SH3PXD2A: variants seen among roughly 807,000 people sequenced by gnomAD.
SH3PXD2A encodes SH3 and PX domain-containing protein 2A.
In SH3PXD2A, 32 loss-of-function variants were observed where a neutral mutation model predicts 115.2. That is an observed-to-expected ratio of 0.28 (90% CI 0.21 to 0.37). The LOEUF (loss-of-function observed/expected upper bound fraction) is 0.37, where lower values mean the gene tolerates loss of function less well. Ranked by LOEUF, SH3PXD2A falls within the 10% of genes least tolerant of loss-of-function variation. SH3PXD2A has a pLI of 1.00. For synonymous variants in SH3PXD2A, 610 were observed against 629.1 expected, an observed-to-expected ratio of 0.97 and a Z score of 0.45; for missense variants, 1,328 against 1,498.7, an observed-to-expected ratio of 0.89 and a Z score of 1.88.
At chr10:103,749,015 C>T (rs1324762480) in intron 3 of SH3PXD2A, among the ~76,000 whole-genome samples, 1 of 151,902 alleles carries the variant, frequency 6.6e-6, no homozygotes. Flanking sequence ...TGTTACCTCC[C>T]AAGTAGCTGA....
rs78339712 is a variant in SH3PXD2A, at chr10:103,627,771, C to T, written c.605-569G>A. On this transcript the variant is annotated intron_variant, in intron 8 of 14. Coordinates refer to ENST00000369774, the MANE Select transcript of SH3PXD2A (RefSeq NM_001394015.1). The surrounding 1 kb of genome is among the most constrained non-coding windows in gnomAD (Gnocchi z 4.4). The stretch of plus-strand genomic sequence containing the variant: ...CACTGCATCCTCAGCTGATGCTTGA[C>T]GATCATGGCCACGTGATAAAGCCTC... Among the ~76,000 whole-genome samples, 413 of 152,326 alleles carry T rather than the reference C, an allele frequency of 2.7e-3. 3 individuals carry two copies. The highest frequency in any genetic ancestry group is 0.025 in the East Asian group (131 of 5,188).
chr10:103,650,436 T>C (rs2037102456), intron 8 of SH3PXD2A, among the ~76,000 whole-genome samples: 2 of 152,224 alleles, frequency 1.3e-5, no homozygotes, highest in Non-Finnish European at 2.9e-5. Flanking sequence ...TCTTTGTCTA[T>C]ATTTAAGGCC....
intron 2 of SH3PXD2A, among the ~76,000 whole-genome samples, chr10:103,785,092 G>A (rs187632932): frequency 1.3e-5 from 2 of 152,252 alleles, no homozygotes; most frequent in African/African-American, 2.4e-5. Flanking sequence ...CAGAGAAAAC[G>A]GCTGTTCACT....
intron 8 of SH3PXD2A, among the ~76,000 whole-genome samples, chr10:103,642,628 T>C (rs1211981875): frequency 6.6e-6 from 1 of 152,048 alleles, no homozygotes; most frequent in Non-Finnish European, 1.5e-5. Flanking sequence ...TGAAACAGCA[T>C]GTATTTACTA....
chr10:103,668,615 G>A lies in SH3PXD2A; in HGVS notation c.465C>T (p.Asp155=), dbSNP rs1272972499. The part of the protein sequence containing the change: ...LSSWAESPKK[D]VTGADATAEP... ...ATGCACGCTGGGCAGTACCTGTCAC[G>A]TCCTTCTTGGGCGACTCAGCCCAGC... The change falls in exon 7 of 15, where the codon GAC becomes GAT. Residue 155 remains aspartate, a synonymous_variant. Transcript: ENST00000369774. 2.6e-6 allele frequency: 4 copies of A among 1,556,254 alleles called. No homozygotes were observed. Among genetic ancestry groups the A allele is most frequent in the Non-Finnish European group, 3.5e-6 (4 of 1,149,722 alleles).
At chr10:103,691,878 T>C (rs1424077706) in intron 6 of SH3PXD2A, among the ~76,000 whole-genome samples, 4 of 151,960 alleles carry the variant, frequency 2.6e-5, no homozygotes, top group Admixed American at 2.6e-4. Flanking sequence ...AGGACACAAC[T>C]TTCCCTGTCC....
chr10:103,627,454 G>A lies in SH3PXD2A; in HGVS notation c.605-252C>T, dbSNP rs886079097. Among the ~76,000 whole-genome samples the A allele has an allele frequency of 6.6e-6, 1 of 152,204 alleles. No homozygotes were observed. Among genetic ancestry groups the A allele is most frequent in the East Asian group, 1.9e-4 (1 of 5,200 alleles). ...TGAGCCACACTAACAAATGTCTGAT[G>A]GAAAATGAAATAGACATAGTGATAT... is the stretch of plus-strand genomic sequence containing the variant. On this transcript the variant is annotated intron_variant, in intron 8 of 14. Coordinates refer to ENST00000369774, the MANE Select transcript of SH3PXD2A (RefSeq NM_001394015.1). The surrounding 1 kb of genome is among the most constrained non-coding windows in gnomAD (Gnocchi z 4.4).
intron 4 of SH3PXD2A, among the ~76,000 whole-genome samples, chr10:103,729,851 C>T (rs2038293155): frequency 6.6e-6 from 1 of 152,172 alleles, no homozygotes; most frequent in Non-Finnish European, 1.5e-5. Context: ...CTGCAGTCTC[C>T]AGCTCCTGCC....
At chr10:103,736,935 A>C in intron 3 of SH3PXD2A, 1 of 490,542 alleles carries the variant, frequency 2.0e-6, no homozygotes, top group Non-Finnish European at 3.8e-6. Flanking sequence ...CCAGAGTCAC[A>C]GTGATTGGCT....
At chr10:103,800,396 G>A (rs1329023846) in intron 2 of SH3PXD2A, among the ~76,000 whole-genome samples, 3 of 152,180 alleles carry the variant, frequency 2.0e-5, no homozygotes, top group African/African-American at 4.8e-5. Flanking sequence ...CCTCTGTTGG[G>A]AGCCAAAAGA....
At chr10:103,714,323 C>T (rs1430501178) in intron 5 of SH3PXD2A, among the ~76,000 whole-genome samples, 3 of 152,192 alleles carry the variant, frequency 2.0e-5, no homozygotes, top group African/African-American at 7.2e-5. Flanking sequence ...ATGGGGGACC[C>T]AGTCTACCCC....
At chr10:103,716,936 C>T (rs1388093967) in intron 5 of SH3PXD2A, among the ~76,000 whole-genome samples, 3 of 152,218 alleles carry the variant, frequency 2.0e-5, no homozygotes, top group Non-Finnish European at 4.4e-5. Context: ...TGTGCGCTTC[C>T]ACCCGGGATG....
intron 5 of SH3PXD2A, among the ~76,000 whole-genome samples, chr10:103,710,666 T>C (rs145264160): frequency 6.6e-6 from 1 of 152,264 alleles, no homozygotes; most frequent in Non-Finnish European, 1.5e-5. Flanking sequence ...AGCCGGATGT[T>C]AAGGATTTAA....
chr10:103,634,414 C>CT (rs1450963250), intron 8 of SH3PXD2A, among the ~76,000 whole-genome samples: 1 of 152,226 alleles, frequency 6.6e-6, no homozygotes, highest in Non-Finnish European at 1.5e-5. Flanking sequence ...ACATATATGA[C>CT]TTTATTCACA....
chr10:103,716,461 C>A (rs2038106141), intron 5 of SH3PXD2A, among the ~76,000 whole-genome samples: 1 of 152,224 alleles, frequency 6.6e-6, no homozygotes, highest in South Asian at 2.1e-4. Context: ...GGCTGAAGAA[C>A]AGAAACCAGT....
intron 8 of SH3PXD2A, among the ~76,000 whole-genome samples, chr10:103,652,699 C>A (rs1031767343): frequency 2.6e-5 from 4 of 152,120 alleles, no homozygotes; most frequent in African/African-American, 9.7e-5. Flanking sequence ...CTTTTCCCTG[C>A]ACTTCAGCCG....
intron 3 of SH3PXD2A, among the ~76,000 whole-genome samples, chr10:103,748,167 T>G (rs1022061279): frequency 6.6e-6 from 1 of 152,230 alleles, no homozygotes; most frequent in Non-Finnish European, 1.5e-5. Context: ...TTGATCCTCA[T>G]AACAACCTCT....
chr10:103,722,790 A>T (rs2038198179), intron 5 of SH3PXD2A, among the ~76,000 whole-genome samples: 1 of 152,108 alleles, frequency 6.6e-6, no homozygotes, highest in South Asian at 2.1e-4. Context: ...TTTGCATCCT[A>T]TACCCTGTGG....
intron 8 of SH3PXD2A, among the ~76,000 whole-genome samples, chr10:103,648,010 G>A (rs2037060884): frequency 6.6e-6 from 1 of 152,114 alleles, no homozygotes; most frequent in African/African-American, 2.4e-5. Context: ...CTGCTCCAAC[G>A]TGCTAGCCAC....
Sources: allele counts gnomAD v4.1 joint callset (sites outside exome capture counted in the v4.1 genomes callset), GRCh38; gene constraint gnomAD v4.1.1; non-coding constraint Gnocchi (gnomAD v3.1); transcripts MANE v1.5; gene names NCBI Gene and HGNC (gene_info 2026-07-23, HGNC 2026-07-21).